The following BFAR variants were observed in gnomAD, a reference collection of about 807,000 sequenced individuals.
The protein encoded by BFAR is RING finger protein 47.
BFAR carries 52 observed loss-of-function variants against 54.4 expected under a neutral mutation model. The observed-to-expected ratio is 0.96, with a 90% CI of 0.77 to 1.21. The LOEUF is 1.21. BFAR is among the 50% of genes most tolerant of loss of function. BFAR has a pLI of 0.00. For missense variants in BFAR, 571 were observed against 534.0 expected (o/e 1.07, Z -0.68); for synonymous variants, 215 against 204.3 (o/e 1.05, Z -0.45).
chr16:14,642,684 A>C (rs1959665029), intron 1 of BFAR, among the ~76,000 whole-genome samples: 1 of 152,112 alleles, frequency 6.6e-6, no homozygotes, highest in African/African-American at 2.4e-5. Context: ...ATGAGGCTTC[A>C]CTCACTTCTT....
chr16:14,647,660 G>C (rs929930307), intron 2 of BFAR, among the ~76,000 whole-genome samples: 3 of 149,242 alleles, frequency 2.0e-5, no homozygotes, highest in African/African-American at 7.4e-5. Flanking sequence ...CTGGGTGACA[G>C]AGCAAGACTC....
At chr16:14,662,149 T>G in intron 6 of BFAR, 84 bp downstream of exon 6, 2 of 1,495,498 alleles carry the variant, frequency 1.3e-6, no homozygotes, top group Middle Eastern at 1.7e-4. Context: ...GTGCCATGTT[T>G]CTTCAGTTTG....
intron 6 of BFAR, among the ~76,000 whole-genome samples, chr16:14,664,209 G>T (rs538948255): frequency 2.7e-3 from 413 of 152,126 alleles, no homozygotes; most frequent in Non-Finnish European, 4.6e-3. Context: ...TAGGGAAGGG[G>T]CATACATGCT....
intron 4 of BFAR, among the ~76,000 whole-genome samples, chr16:14,654,289 A>C (rs1267632433): frequency 6.6e-6 from 1 of 151,624 alleles, no homozygotes; most frequent in Non-Finnish European, 1.5e-5. Flanking sequence ...AACTATTCTT[A>C]ATGTTGTAAT....
rs771802651 is a variant in BFAR at position 14,648,590 on chromosome 16, G to C, written c.466G>C (p.Ala156Pro). Residue 156 changes from alanine to proline, a missense_variant and splice_region_variant, in exon 3 of 8, where the codon GCA becomes CCA. Physicochemically the swap from Ala to Pro is conservative, Grantham distance 27. Transcript: ENST00000261658. Reference protein sequence around the residue: ...SGVLTALTGVAVVLLVYHWSS... With the variant: ...SGVLTALTGVPVVLLVYHWSS... ...TGTGCTCACAGCTTTAACTGGAGTG[G>C]CAGTAAGTTGATCACTGTGTTCCTC... The C allele has an allele frequency of 6.2e-7, 1 of 1,612,272 alleles. No individual in the cohort carries two copies. The highest frequency in any genetic ancestry group is 1.7e-5 in the Admixed American group (1 of 59,938).
At chr16:14,637,293 A>G (rs1398199644) in intron 1 of BFAR, among the ~76,000 whole-genome samples, 1 of 152,178 alleles carries the variant, frequency 6.6e-6, no homozygotes, top group Non-Finnish European at 1.5e-5. Context: ...CTTTGAACTA[A>G]TAACCGTTAT....
Position 14,655,201 on chromosome 16 carries a change from G to T in BFAR, c.774G>T (p.Trp258Cys). ...GCGTGAAGCCCCCCCAGAATCTCTGGGAATATAAGGTGAACACTTTAATTT... is the reference window on the plus strand; with the variant it reads ...GCGTGAAGCCCCCCCAGAATCTCTGTGAATATAAGGTGAACACTTTAATTT... ...ALGVKPPQNL[W>C]EYKAVNPGRS... Residue 258 changes from tryptophan (W) to cysteine (C), a missense_variant, in exon 5 of 8, where the codon TGG becomes TGT. Trp to Cys is a radical substitution (Grantham distance 215, BLOSUM62 -2). Transcript: ENST00000261658. 2 of 1,475,702 alleles carry T rather than the reference G, an allele frequency of 1.4e-6. No individual in the cohort carries two copies. The highest frequency in any genetic ancestry group is 1.4e-5 in the African/African-American group (1 of 69,176). The allele number at this position is 1,475,702 out of a possible 1,614,324, so 91.4% of individuals were successfully genotyped here.
rs551953780 is a variant in BFAR at position 14,667,980 on chromosome 16, C to T, written c.*153C>T. ...TCAAAAGCTCCAACCATGTCCTCTC[C>T]CCCTCAGCCTGTGGGTGGCACGAGC... On this transcript the variant is annotated 3_prime_UTR_variant, in exon 8 of 8. Transcript: ENST00000261658. 2 of 773,018 alleles carry T rather than the reference C, an allele frequency of 2.6e-6. No homozygotes were observed. Among genetic ancestry groups the T allele is most frequent in the East Asian group, 2.6e-5 (1 of 37,848 alleles). The allele number at this position is 773,018 out of a possible 1,614,324, so 47.9% of individuals were successfully genotyped here. A position where few individuals can be genotyped will look rare whatever the true frequency, so the allele number is the denominator to read the frequency against.
At chr16:14,634,160 T>G (rs969845351) in intron 1 of BFAR, among the ~76,000 whole-genome samples, 5 of 151,874 alleles carry the variant, frequency 3.3e-5, no homozygotes, top group Non-Finnish European at 7.4e-5. Flanking sequence ...GCAAGGGGGG[T>G]GGTCTTGATG....
At chr16:14,657,350 G>A (rs945618717) in intron 5 of BFAR, among the ~76,000 whole-genome samples, 5 of 151,758 alleles carry the variant, frequency 3.3e-5, no homozygotes, top group African/African-American at 1.2e-4. Context: ...CTGGGTTCAC[G>A]CCATTCTCCT....
chr16:14,637,407 C>CA (rs907330425), intron 1 of BFAR, among the ~76,000 whole-genome samples: 14 of 151,834 alleles, frequency 9.2e-5, no homozygotes, highest in African/African-American at 3.1e-4. Context: ...CAACCAGGGA[C>CA]CAGACCATGA....
chr16:14,636,813 G>A (rs577046078), intron 1 of BFAR, among the ~76,000 whole-genome samples: 28 of 152,268 alleles, frequency 1.8e-4, no homozygotes, highest in Non-Finnish European at 2.2e-4. Context: ...GCGGGCTTCC[G>A]CAGTGTTTGC....
intron 5 of BFAR, among the ~76,000 whole-genome samples, chr16:14,658,164 G>A (rs1960181591): frequency 1.3e-5 from 2 of 152,220 alleles, no homozygotes; most frequent in African/African-American, 4.8e-5. Flanking sequence ...GGACTTCCAA[G>A]AGGAAAAGAC....
At chr16:14,665,741 T>C (rs1244518197) in intron 7 of BFAR, among the ~76,000 whole-genome samples, 2 of 152,202 alleles carry the variant, frequency 1.3e-5, no homozygotes, top group African/African-American at 4.8e-5. Context: ...ACCAGAGATC[T>C]TAGAGGCTTC....
At chr16:14,667,579 C>T in intron 7 of BFAR, 56 bp from the exon 8 acceptor site, 2 of 1,523,756 alleles carry the variant, frequency 1.3e-6, no homozygotes, top group South Asian at 1.2e-5. Flanking sequence ...GGCCCGGACT[C>T]CTGGGTGTGG....
chr16:14,662,965 C>T (rs373367622), intron 6 of BFAR, among the ~76,000 whole-genome samples: 2 of 152,082 alleles, frequency 1.3e-5, no homozygotes, highest in African/African-American at 4.8e-5. Flanking sequence ...CAGTGGGATA[C>T]GTGACTGGGG....
chr16:14,638,424 G>T (rs1472826777), intron 1 of BFAR, among the ~76,000 whole-genome samples: 1 of 152,126 alleles, frequency 6.6e-6, no homozygotes, highest in African/African-American at 2.4e-5. Flanking sequence ...TTTCAGGCTG[G>T]ACTTCCAATA....
intron 1 of BFAR, among the ~76,000 whole-genome samples, chr16:14,640,446 T>C (rs1959586764): frequency 6.6e-6 from 1 of 151,980 alleles, no homozygotes; most frequent in Non-Finnish European, 1.5e-5. Flanking sequence ...TATTGCCAGA[T>C]CTCTGGGTTT....
chr16:14,633,718 T>C (rs1297669352), intron 1 of BFAR, among the ~76,000 whole-genome samples: 1 of 152,158 alleles, frequency 6.6e-6, no homozygotes, highest in Admixed American at 6.6e-5. Context: ...GGTGGAGCAA[T>C]CTCGGCTCAC....
Sources: gnomAD v4.1 joint callset for allele counts (sites outside exome capture counted in the v4.1 genomes callset) on GRCh38, gnomAD v4.1.1 for gene constraint, MANE v1.5 for transcripts, NCBI Gene and HGNC (gene_info 2026-07-23, HGNC 2026-07-21) for gene names.